Variants in SOX6 observed in about 807,000 individuals in gnomAD.
The protein encoded by SOX6 is SRY-box transcription factor 6.
SOX6 carries 11 observed loss-of-function variants against 97.8 expected under a neutral mutation model. That is an observed-to-expected ratio of 0.11 (90% CI 0.07 to 0.19). The LOEUF (loss-of-function observed/expected upper bound fraction) is 0.19, where lower values mean the gene tolerates loss of function less well. SOX6 is among the 10% of genes least tolerant of loss of function. The probability of loss-of-function intolerance (pLI) is 1.00; values close to 1 mark genes in which losing one functional copy is unlikely to be tolerated. For synonymous variants in SOX6, 360 were observed against 371.4 expected (o/e 0.97, Z 0.35); for missense variants, 810 against 1,039.5 (o/e 0.78, Z 3.04).
chr11:16,203,272 A>G (rs1187831979), intron 4 of SOX6, among the ~76,000 whole-genome samples: 1 of 151,926 alleles, frequency 6.6e-6, no homozygotes, highest in East Asian at 1.9e-4. Context: ...GCTTTCTGAC[A>G]TTTTTCTTTA....
At chr11:16,302,046 T>C (rs1855274753) in intron 3 of SOX6, among the ~76,000 whole-genome samples, 1 of 152,084 alleles carries the variant, frequency 6.6e-6, no homozygotes, top group Admixed American at 6.6e-5. Flanking sequence ...ACCTCAACTA[T>C]ACCTCAAACA....
intron 2 of SOX6, among the ~76,000 whole-genome samples, chr11:16,326,274 T>C (rs11023914): frequency 0.1 from 15,518 of 152,138 alleles, 842 homozygotes; most frequent in African/African-American, 0.12. Context: ...TCATTTGCCA[T>C]GATTTCCAGA....
intron 9 of SOX6, among the ~76,000 whole-genome samples, chr11:16,076,509 C>T (rs1444985887): frequency 6.6e-6 from 1 of 151,744 alleles, no homozygotes; most frequent in Non-Finnish European, 1.5e-5. Context: ...AACAAAAGTG[C>T]TTAACATCTG....
chr11:16,342,182 C>A (rs1242293737), intron 1 of SOX6, among the ~76,000 whole-genome samples: 1 of 151,782 alleles, frequency 6.6e-6, no homozygotes, highest in Non-Finnish European at 1.5e-5. Context: ...AATCAGAAAA[C>A]CATGATTATT....
chr11:16,003,021 T>C (rs1321265589), intron 13 of SOX6, among the ~76,000 whole-genome samples: 1 of 152,182 alleles, frequency 6.6e-6, no homozygotes. Flanking sequence ...TCCACTTAAA[T>C]ACCTCCTCTT....
chr11:16,142,238 A>C (rs965682095), intron 6 of SOX6, among the ~76,000 whole-genome samples: 2 of 152,138 alleles, frequency 1.3e-5, no homozygotes, highest in Admixed American at 1.3e-4. Flanking sequence ...ACCCAGGCAA[A>C]TAGGGTCTGG....
intron 12 of SOX6, among the ~76,000 whole-genome samples, chr11:16,023,883 C>T (rs776751815): frequency 1.3e-5 from 2 of 152,148 alleles, no homozygotes; most frequent in Non-Finnish European, 2.9e-5. Context: ...TCCTTAGGCA[C>T]TGTAATCCCA....
chr11:16,453,025 G>A (rs1392910755), intron 1 of SOX6, among the ~76,000 whole-genome samples: 1 of 152,120 alleles, frequency 6.6e-6, no homozygotes, highest in Non-Finnish European at 1.5e-5. Flanking sequence ...ATTCTTACGT[G>A]TGTCACTGCT....
At chr11:16,102,424 G>A (rs551317707) in intron 7 of SOX6, among the ~76,000 whole-genome samples, 2 of 151,716 alleles carry the variant, frequency 1.3e-5, no homozygotes, top group Non-Finnish European at 3.0e-5. Context: ...GGTTGGGTAG[G>A]ATCAATATTT....
At chr11:16,451,894 C>T (rs1190184577) in intron 1 of SOX6, among the ~76,000 whole-genome samples, 1 of 151,798 alleles carries the variant, frequency 6.6e-6, no homozygotes, top group Non-Finnish European at 1.5e-5. Flanking sequence ...ATTAGCCAGA[C>T]ATGGTGGTAT....
chr11:16,647,199 C>T (rs1430718367), intron 3 of SOX6, among the ~76,000 whole-genome samples: 1 of 152,086 alleles, frequency 6.6e-6, no homozygotes, highest in African/African-American at 2.4e-5. Context: ...GTTTACTCTG[C>T]TCCCTGTTCC....
At chr11:16,040,000 G>T (rs1855617116) in intron 12 of SOX6, among the ~76,000 whole-genome samples, 1 of 151,852 alleles carries the variant, frequency 6.6e-6, no homozygotes, top group African/African-American at 2.4e-5. Flanking sequence ...CATAATGGGA[G>T]GTTAGGTCTA....
chr11:16,416,741 C>T (rs1265914659), intron 1 of SOX6, among the ~76,000 whole-genome samples: 2 of 152,158 alleles, frequency 1.3e-5, no homozygotes, highest in Non-Finnish European at 2.9e-5. Context: ...TAGGTGCTTA[C>T]TATCTGCTAG....
At chr11:16,554,790 A>G (rs1256551901) in intron 4 of SOX6, among the ~76,000 whole-genome samples, 2 of 152,056 alleles carry the variant, frequency 1.3e-5, no homozygotes, top group Non-Finnish European at 2.9e-5. Context: ...AATAAATCTT[A>G]CATGTGATGA....
At chr11:16,088,873 G>A (rs116524280) in intron 9 of SOX6, among the ~76,000 whole-genome samples, 310 of 152,116 alleles carry the variant, frequency 2.0e-3, no homozygotes, top group African/African-American at 6.9e-3. Context: ...TCAAATACAC[G>A]GATATATTTG....
chr11:16,468,099 A>G (rs749123549), intron 1 of SOX6, among the ~76,000 whole-genome samples: 2 of 152,130 alleles, frequency 1.3e-5, no homozygotes, highest in Non-Finnish European at 2.9e-5. Flanking sequence ...ATTGCCCCCA[A>G]CCACCACATT....
chr11:16,286,688 C>T (rs562895743), intron 3 of SOX6, among the ~76,000 whole-genome samples: 1 of 152,104 alleles, frequency 6.6e-6, no homozygotes, highest in East Asian at 1.9e-4. Flanking sequence ...TATTTCAGTG[C>T]CCTTTGCCTA....
chr11:16,605,269 G>T lies in SOX6; in HGVS notation n.609+6812C>A, dbSNP rs1418993942. 6.6e-6 allele frequency among the ~76,000 whole-genome samples: 1 copy of T among 152,058 alleles called. No individual in the cohort carries two copies. Among genetic ancestry groups the T allele is most frequent in the Non-Finnish European group, 1.5e-5 (1 of 67,988 alleles). On this transcript the variant is annotated intron_variant and non_coding_transcript_variant, in intron 4 of 5. Transcript: ENST00000524520. The surrounding 1 kb of genome is among the most constrained non-coding windows in gnomAD (Gnocchi z 5.3). ...GGAAGAAACGTGCCGGCGACCGTGCGCTCGGCCGGGTGACTCCCTGGCGAA... is the reference window on the plus strand; with the variant it reads ...GGAAGAAACGTGCCGGCGACCGTGCTCTCGGCCGGGTGACTCCCTGGCGAA...
rs1453663652 is a variant in SOX6, at chr11:16,605,086, T to A, written n.609+6995A>T. 1.3e-5 allele frequency among the ~76,000 whole-genome samples: 2 copies of A among 151,784 alleles called. No individual in the cohort carries two copies. The highest frequency in any genetic ancestry group is 2.4e-5 in the African/African-American group (1 of 41,404). On this transcript the variant is annotated intron_variant and non_coding_transcript_variant, in intron 4 of 5. Transcript: ENST00000524520. This position sits in a 1 kb window ranked among gnomAD's most constrained non-coding sequence, Gnocchi z 5.3. Reference sequence around the variant, plus strand: ...CCCGCGGGAGCGGCCGGGCTCGGGCTGGGTCCCGGGGCGGGTGGCAGCACC... The same window carrying A: ...CCCGCGGGAGCGGCCGGGCTCGGGCAGGGTCCCGGGGCGGGTGGCAGCACC...
Sources: allele counts gnomAD v4.1 joint callset (sites outside exome capture counted in the v4.1 genomes callset), GRCh38; gene constraint gnomAD v4.1.1; non-coding constraint Gnocchi (gnomAD v3.1); transcripts MANE v1.5; gene names NCBI Gene and HGNC (gene_info 2026-07-23, HGNC 2026-07-21).